Variants in USP44 observed in about 807,000 individuals in gnomAD.
The protein encoded by USP44 is ubiquitin specific peptidase 44, also known as ubiquitin carboxyl-terminal hydrolase 44.
Under a neutral mutation model 69.0 loss-of-function variants are expected in USP44, and 61 were observed. That is an observed-to-expected ratio of 0.88 (90% confidence interval 0.72 to 1.09). USP44 has a LOEUF of 1.09. USP44 is among the 50% of genes least tolerant of loss of function. USP44 has a pLI of 0.00. For missense variants in USP44, 753 were observed against 849.9 expected (o/e 0.89, Z 1.42); for synonymous variants, 297 against 295.4 (o/e 1.01, Z -0.06).
intron 1 of USP44, among the ~76,000 whole-genome samples, chr12:95,538,124 T>C (rs537488898): frequency 4.9e-4 from 75 of 152,304 alleles, no homozygotes; most frequent in Non-Finnish European, 9.3e-4. Context: ...TGAGACATCA[T>C]GGTAGAAGAG....
chr12:95,534,744 C>A (rs1465184142), intron 1 of USP44, among the ~76,000 whole-genome samples: 1 of 150,466 alleles, frequency 6.6e-6, no homozygotes, highest in Non-Finnish European at 1.5e-5. Flanking sequence ...GGTGCGATCT[C>A]AGCTCACTGC....
rs371683524 is a variant in USP44, at chr12:95,518,184, A to G, written c.2109T>C (p.Ala703=). 27 of 1,614,222 alleles carry G rather than the reference A, an allele frequency of 1.7e-5. No individual in the cohort carries two copies. In the African/African-American group the frequency reaches 3.2e-4, roughly 19 times the overall value. Residue 703 remains alanine, a synonymous_variant, in exon 6 of 6, where the codon GCT becomes GCC. Coordinates refer to ENST00000258499, the MANE Select transcript of USP44 (RefSeq NM_032147.5). The part of the protein sequence containing the change: ...LLGSQHPNED[A]DTSSNEILS ...TAAGGATTTCATTAGACGAGGTATC[A>G]GCGTCTTCATTGGGATGTTGGCTCC... is the stretch of plus-strand genomic sequence containing the variant.
At chr12:95,526,488 C>T (rs933712915) in intron 3 of USP44, among the ~76,000 whole-genome samples, 2 of 152,124 alleles carry the variant, frequency 1.3e-5, no homozygotes, top group Non-Finnish European at 2.9e-5. Context: ...AGGAGAATGG[C>T]CTGAACCCAG....
chr12:95,526,300 C>T (rs1292594180), intron 3 of USP44, among the ~76,000 whole-genome samples: 3 of 152,222 alleles, frequency 2.0e-5, no homozygotes, highest in Non-Finnish European at 4.4e-5. Flanking sequence ...AGGCCGGGCG[C>T]GGTGGCTCGC....
At chr12:95,539,390 T>C (rs921414770) in intron 1 of USP44, among the ~76,000 whole-genome samples, 10 of 152,128 alleles carry the variant, frequency 6.6e-5, no homozygotes, top group African/African-American at 2.4e-4. Flanking sequence ...CACACCCAGC[T>C]AATTTTTCTG....
At chr12:95,530,293 CAAAA>C (rs367940970) in intron 2 of USP44, among the ~76,000 whole-genome samples, 1 of 151,390 alleles carries the variant, frequency 6.6e-6, no homozygotes, top group African/African-American at 2.4e-5. Flanking sequence ...TTGAATTAAA[CAAAA>C]AAAACAAAAA....
intron 4 of USP44, 72 bp downstream of exon 4, chr12:95,524,603 TATAAC>T: frequency 8.9e-7 from 1 of 1,121,814 alleles, no homozygotes; most frequent in Non-Finnish European, 1.3e-6. Context: ...GGGAAAAAAT[TATAAC>T]ATGCATTCTT....
chr12:95,540,006 C>T (rs1192448703), intron 1 of USP44, among the ~76,000 whole-genome samples: 1 of 152,158 alleles, frequency 6.6e-6, no homozygotes, highest in Non-Finnish European at 1.5e-5. Flanking sequence ...AATTACAGCC[C>T]TTTGTAACCT....
At chr12:95,536,143 A>G (rs2077197177) in intron 1 of USP44, among the ~76,000 whole-genome samples, 1 of 143,610 alleles carries the variant, frequency 7.0e-6, no homozygotes, top group Non-Finnish European at 1.5e-5. Flanking sequence ...CCCAGGTTCC[A>G]GCGATTCTCG....
chr12:95,538,754 G>A (rs2077286654), intron 1 of USP44, among the ~76,000 whole-genome samples: 1 of 152,226 alleles, frequency 6.6e-6, no homozygotes, highest in Non-Finnish European at 1.5e-5. Flanking sequence ...GAGATCTCCA[G>A]TAACTCAGAC....
rs1225044015 is a variant in USP44 at position 95,533,055 on chromosome 12, G to A, written c.1202C>T (p.Ser401Leu). 2.5e-6 allele frequency: 4 copies of A among 1,614,126 alleles called. No individual in the cohort carries two copies. The highest frequency in any genetic ancestry group is 1.3e-5 in the African/African-American group (1 of 74,946). ...CACTGAGTGTAGCATAGCAAATGGT[G>A]AGACCAACGCCCACTTTCCAGACCA... Reference protein sequence around the residue: ...VMWSGKWALVSPFAMLHSVWR... With the variant: ...VMWSGKWALVLPFAMLHSVWR... Residue 401 changes from serine (S) to leucine (L), a missense_variant, in exon 2 of 6, where the codon TCA becomes TTA. Ser to Leu is a moderately radical substitution (Grantham distance 145, BLOSUM62 -2). Coordinates refer to ENST00000258499, the MANE Select transcript of USP44 (RefSeq NM_032147.5).
chr12:95,544,656 A>G (rs188304274), intron 1 of USP44, among the ~76,000 whole-genome samples: 16 of 152,358 alleles, frequency 1.1e-4, no homozygotes, highest in African/African-American at 3.4e-4. Flanking sequence ...ACTATTTAAT[A>G]AAGTGACAGA....
chr12:95,524,766 G>A lies in USP44; in HGVS notation c.1647C>T (p.Ser549=). The change falls in exon 4 of 6, where the codon TCC becomes TCT. Residue 549 remains serine (S), a synonymous_variant. Transcript: ENST00000258499. Reference sequence around the variant, plus strand: ...GGGCTTCTGTGAGTACAACTGGTTTGGAGGAAAACCTTCTACGCTTTGCTG... The same window carrying A: ...GGGCTTCTGTGAGTACAACTGGTTTAGAGGAAAACCTTCTACGCTTTGCTG... ...QCNSKRRRFS[S]KPVVLTEAQK... 6.2e-7 allele frequency: 1 copy of A among 1,609,786 alleles called. No homozygotes were observed. Among genetic ancestry groups the A allele is most frequent in the Non-Finnish European group, 8.5e-7 (1 of 1,178,786 alleles).
At chr12:95,540,970 G>A (rs2077368045) in intron 1 of USP44, among the ~76,000 whole-genome samples, 1 of 152,118 alleles carries the variant, frequency 6.6e-6, no homozygotes, top group Non-Finnish European at 1.5e-5. Flanking sequence ...CTCACCATAC[G>A]GAAGTAGCAA....
intron 3 of USP44, among the ~76,000 whole-genome samples, chr12:95,528,515 A>G (rs1224648467): frequency 6.6e-6 from 1 of 152,204 alleles, no homozygotes; most frequent in East Asian, 1.9e-4. Flanking sequence ...CTTTCCTTTC[A>G]TTATTCCTCT....
At chr12:95,531,790 G>A (rs569503928) in intron 2 of USP44, among the ~76,000 whole-genome samples, 1 of 152,158 alleles carries the variant, frequency 6.6e-6, no homozygotes, top group Non-Finnish European at 1.5e-5. Flanking sequence ...CAGGGGGAAG[G>A]AAATGACCTA....
rs183347370 is a variant in USP44 at position 95,517,748 on chromosome 12, A to T, written c.*406T>A. The T allele has an allele frequency of 5.2e-4, 85 of 163,304 alleles. 1 individual carries two copies. The East Asian group carries it at 0.013, about 24-fold the overall frequency. 10.1% of individuals were successfully genotyped at this position (163,304 alleles called of 1,614,324 possible). ...AGGGGCAAGGTAACTTCAATATACA[A>T]ATGAAAGACTATTAGTGACCAAAGT... is the stretch of plus-strand genomic sequence containing the variant. On this transcript the variant is annotated 3_prime_UTR_variant, in exon 6 of 6. Transcript: ENST00000258499.
chr12:95,541,189 T>C (rs912885612), intron 1 of USP44, among the ~76,000 whole-genome samples: 2 of 152,064 alleles, frequency 1.3e-5, no homozygotes. Context: ...TGAGGCAGAA[T>C]TGCTTGCACC....
chr12:95,545,170 T>C (rs780405486), intron 1 of USP44, among the ~76,000 whole-genome samples: 10 of 152,114 alleles, frequency 6.6e-5, no homozygotes, highest in Non-Finnish European at 8.8e-5. Flanking sequence ...TGGGCATTCA[T>C]ATTTTACAGG....
Sources: allele counts gnomAD v4.1 joint callset (sites outside exome capture counted in the v4.1 genomes callset), GRCh38; gene constraint gnomAD v4.1.1; transcripts MANE v1.5; gene names NCBI Gene and HGNC (gene_info 2026-07-23, HGNC 2026-07-21).